STXBP5L: variants seen among roughly 807,000 people sequenced by gnomAD.
STXBP5L encodes syntaxin binding protein 5L.
A neutral mutation model predicts 144.5 loss-of-function variants in STXBP5L; 65 were observed. The ratio of observed to expected loss-of-function variants is 0.45; its 90% CI spans 0.37 to 0.55. The LOEUF (loss-of-function observed/expected upper bound fraction) is 0.55, where lower values mean the gene tolerates loss of function less well. Among genes scored for constraint, STXBP5L ranks in the 20% least tolerant of loss-of-function variants. The pLI is 0.00. For missense variants in STXBP5L, 1,298 were observed against 1,405.5 expected (o/e 0.92, Z 1.22); for synonymous variants, 505 against 469.6 (o/e 1.08, Z -0.97).
intron 10 of STXBP5L, among the ~76,000 whole-genome samples, chr3:121,215,307 T>G (rs952986392): frequency 6.6e-6 from 1 of 152,236 alleles, no homozygotes; most frequent in Non-Finnish European, 1.5e-5. Context: ...TCTATGGTCT[T>G]TACAATATGG....
intron 10 of STXBP5L, among the ~76,000 whole-genome samples, chr3:121,217,947 A>T (rs1165064108): frequency 6.7e-6 from 1 of 149,126 alleles, no homozygotes; most frequent in East Asian, 1.9e-4. Flanking sequence ...TAATTCAGTT[A>T]AAACAACATT....
intron 18 of STXBP5L, among the ~76,000 whole-genome samples, chr3:121,269,833 C>T (rs934841041): frequency 6.6e-6 from 1 of 152,150 alleles, no homozygotes; most frequent in African/African-American, 2.4e-5. Flanking sequence ...ACTAAAAGGA[C>T]TGTGCAGTAC....
intron 5 of STXBP5L, among the ~76,000 whole-genome samples, chr3:121,104,211 A>G (rs932408449): frequency 9.9e-5 from 15 of 152,176 alleles, no homozygotes; most frequent in African/African-American, 3.1e-4. Flanking sequence ...ATGGTAGGTA[A>G]CAAATAATAT....
At chr3:121,355,184 G>A (rs1244707211) in intron 20 of STXBP5L, among the ~76,000 whole-genome samples, 2 of 152,134 alleles carry the variant, frequency 1.3e-5, no homozygotes, top group Non-Finnish European at 2.9e-5. Flanking sequence ...CTCTTCTCAA[G>A]GAGTATCTTT....
intron 2 of STXBP5L, among the ~76,000 whole-genome samples, chr3:120,950,693 T>C (rs1361157909): frequency 6.6e-6 from 1 of 152,138 alleles, no homozygotes; most frequent in Non-Finnish European, 1.5e-5. Context: ...TGCTCATGGG[T>C]AGGAAGAATC....
intron 20 of STXBP5L, among the ~76,000 whole-genome samples, chr3:121,346,561 C>T (rs1283218207): frequency 8.5e-5 from 13 of 152,106 alleles, no homozygotes; most frequent in Non-Finnish European, 1.8e-4. Context: ...AGTTTACAGT[C>T]CCACCAACAG....
intron 20 of STXBP5L, among the ~76,000 whole-genome samples, chr3:121,360,792 T>G (rs2045689978): frequency 6.6e-6 from 1 of 152,178 alleles, no homozygotes; most frequent in Non-Finnish European, 1.5e-5. Flanking sequence ...TTTCATCATT[T>G]AGTCTTTCTA....
At chr3:121,373,822 C>A (rs1353381141) in intron 20 of STXBP5L, among the ~76,000 whole-genome samples, 1 of 152,142 alleles carries the variant, frequency 6.6e-6, no homozygotes, top group Non-Finnish European at 1.5e-5. Flanking sequence ...TCCTACTGGC[C>A]TGATGACACC....
At chr3:121,351,007 T>C (rs780673530) in intron 20 of STXBP5L, among the ~76,000 whole-genome samples, 6 of 152,180 alleles carry the variant, frequency 3.9e-5, no homozygotes, top group Non-Finnish European at 5.9e-5. Flanking sequence ...GGTGAGGAGC[T>C]ACGTTCCTTT....
At chr3:121,140,118 AAAG>A (rs2045434320) in intron 7 of STXBP5L, among the ~76,000 whole-genome samples, 1 of 149,472 alleles carries the variant, frequency 6.7e-6, no homozygotes, top group Non-Finnish European at 1.5e-5. Flanking sequence ...ACATTTTTCA[AAAG>A]AAGACATATT....
At chr3:121,407,106 A>T in intron 22 of STXBP5L, 137 bp from the exon 23 acceptor site, 1 of 1,101,400 alleles carries the variant, frequency 9.1e-7, no homozygotes. Flanking sequence ...AGATGAGCTC[A>T]CAAATCTACA....
At chr3:121,195,644 G>A (rs2047891420) in intron 9 of STXBP5L, among the ~76,000 whole-genome samples, 1 of 152,186 alleles carries the variant, frequency 6.6e-6, no homozygotes, top group African/African-American at 2.4e-5. Flanking sequence ...ATTAGTGTGT[G>A]TATGTGTATC....
At chr3:120,938,573 A>G (rs747034911) in intron 2 of STXBP5L, among the ~76,000 whole-genome samples, 2 of 152,102 alleles carry the variant, frequency 1.3e-5, no homozygotes, top group Non-Finnish European at 2.9e-5. Flanking sequence ...CTTTAACTCA[A>G]TGGTTGATCT....
chr3:121,082,543 C>A (rs1182170517), intron 5 of STXBP5L, among the ~76,000 whole-genome samples: 1 of 152,076 alleles, frequency 6.6e-6, no homozygotes, highest in Non-Finnish European at 1.5e-5. Context: ...TAATAAGGGC[C>A]AATGCTTGGT....
chr3:121,031,928 A>T (rs1332389501), intron 3 of STXBP5L, among the ~76,000 whole-genome samples: 1 of 152,146 alleles, frequency 6.6e-6, no homozygotes, highest in Non-Finnish European at 1.5e-5. Context: ...TTTGCCACTC[A>T]CTGAGATAGG....
chr3:120,967,322 C>A (rs1939710085), intron 3 of STXBP5L, among the ~76,000 whole-genome samples: 1 of 152,144 alleles, frequency 6.6e-6, no homozygotes. Context: ...CCAACCAGTC[C>A]CAGTGAGATT....
At chr3:121,180,056 C>T (rs1320465892) in intron 9 of STXBP5L, among the ~76,000 whole-genome samples, 1 of 152,102 alleles carries the variant, frequency 6.6e-6, no homozygotes, top group Non-Finnish European at 1.5e-5. Flanking sequence ...TACTAGAGAT[C>T]TAGACATCCA....
chr3:121,130,194 C>T (rs192150520), intron 7 of STXBP5L, among the ~76,000 whole-genome samples: 2 of 152,118 alleles, frequency 1.3e-5, no homozygotes, highest in African/African-American at 4.8e-5. Flanking sequence ...CTTAATGCAC[C>T]TGGTAGATAA....
intron 3 of STXBP5L, among the ~76,000 whole-genome samples, chr3:120,986,315 G>T (rs1942282245): frequency 6.6e-6 from 1 of 151,842 alleles, no homozygotes; most frequent in African/African-American, 2.4e-5. Context: ...CGTATGATCT[G>T]TCCTGAAAAA....
Sources: allele counts gnomAD v4.1 joint callset (sites outside exome capture counted in the v4.1 genomes callset), GRCh38; gene constraint gnomAD v4.1.1; transcripts MANE v1.5; gene names NCBI Gene and HGNC (gene_info 2026-07-23, HGNC 2026-07-21).